The following DNAAF11 variants were observed in gnomAD, a reference collection of about 807,000 sequenced individuals.
DNAAF11 encodes the protein leucine rich repeat containing 6.
In DNAAF11, 45 loss-of-function variants were observed where a neutral mutation model predicts 60.8. The observed-to-expected ratio is 0.74, with a 90% confidence interval of 0.58 to 0.95. The LOEUF is 0.95. Among genes scored for constraint, DNAAF11 ranks in the 40% least tolerant of loss-of-function variants. DNAAF11 has a pLI of 0.00. For missense variants in DNAAF11, 546 were observed against 546.2 expected (o/e 1.00, Z 0.00); for synonymous variants, 191 against 183.5 (o/e 1.04, Z -0.33).
At chr8:132,649,502 C>A (rs1433989808) in intron 3 of DNAAF11, among the ~76,000 whole-genome samples, 1 of 152,024 alleles carries the variant, frequency 6.6e-6, no homozygotes, top group Admixed American at 6.6e-5. Flanking sequence ...GCAACAAAAG[C>A]CAAAATTGAC....
intron 4 of DNAAF11, among the ~76,000 whole-genome samples, chr8:132,635,937 G>C (rs1821248978): frequency 6.6e-6 from 1 of 152,126 alleles, no homozygotes; most frequent in Non-Finnish European, 1.5e-5. Flanking sequence ...ATCAGCAGAA[G>C]CTAGGAGGGA....
the DNAAF11 span, among the ~76,000 whole-genome samples, chr8:132,697,728 C>T: frequency 5.3e-5 from 8 of 152,034 alleles, no homozygotes; most frequent in Non-Finnish European, 1.0e-4. Context: ...TGGAATCGTA[C>T]TAGAGAGATT....
At chr8:132,628,720 A>G (rs1390347851) in intron 5 of DNAAF11, among the ~76,000 whole-genome samples, 1 of 152,200 alleles carries the variant, frequency 6.6e-6, no homozygotes, top group Non-Finnish European at 1.5e-5. Flanking sequence ...TTCTGTTCAA[A>G]TAGGCTAAAT....
chr8:132,615,524 CT>C lies in DNAAF11; in HGVS notation c.915-428del, dbSNP rs1383200439. 3.3e-5 allele frequency among the ~76,000 whole-genome samples: 5 copies of C among 152,188 alleles called. No homozygotes were observed. The East Asian group carries it at 7.7e-4, about 23-fold the overall frequency. On this transcript the variant is annotated intron_variant, in intron 7 of 11. Coordinates refer to ENST00000620350, the MANE Select transcript of DNAAF11 (RefSeq NM_012472.6). ...TAAGTTTTAGAGTCCTGTCTTCCTT[CT>C]TTTTTCTTGCTATCTTTTTTCTTCT...
At chr8:132,588,461 A>C (rs1323086517) in intron 10 of DNAAF11, among the ~76,000 whole-genome samples, 1 of 152,238 alleles carries the variant, frequency 6.6e-6, no homozygotes, top group Non-Finnish European at 1.5e-5. Flanking sequence ...AGAAATATTT[A>C]CTGAGCATCT....
At chr8:132,657,174 G>A (rs1317656545) in intron 2 of DNAAF11, among the ~76,000 whole-genome samples, 1 of 152,056 alleles carries the variant, frequency 6.6e-6, no homozygotes, top group African/African-American at 2.4e-5. Flanking sequence ...TAGCCAAGCT[G>A]GGCCAGTGCA....
chr8:132,698,226 C>T, the DNAAF11 span, among the ~76,000 whole-genome samples: 1 of 152,176 alleles, frequency 6.6e-6, no homozygotes, highest in East Asian at 1.9e-4. Flanking sequence ...ACCTATCCCA[C>T]ACTTCGTAAT....
At chr8:132,573,442 C>A (rs541304332) in intron 11 of DNAAF11, among the ~76,000 whole-genome samples, 2 of 152,186 alleles carry the variant, frequency 1.3e-5, no homozygotes, top group Non-Finnish European at 2.9e-5. Flanking sequence ...TAATGACACT[C>A]TCATACACCT....
the DNAAF11 span, among the ~76,000 whole-genome samples, chr8:132,700,136 T>C: frequency 4.1e-4 from 62 of 152,294 alleles, no homozygotes; most frequent in South Asian, 1.0e-3. Flanking sequence ...ATTAAACTTC[T>C]TAAAGGCAAA....
At chr8:132,641,530 G>A (rs1310831814) in intron 3 of DNAAF11, among the ~76,000 whole-genome samples, 1 of 152,126 alleles carries the variant, frequency 6.6e-6, no homozygotes, top group African/African-American at 2.4e-5. Context: ...ATGAAGAGAT[G>A]GGAGGAGGAA....
intron 10 of DNAAF11, among the ~76,000 whole-genome samples, chr8:132,597,339 C>T (rs560022955): frequency 2.6e-5 from 4 of 152,180 alleles, no homozygotes; most frequent in Admixed American, 2.0e-4. Flanking sequence ...CCTTCTCCCT[C>T]ATACCTAGGA....
chr8:132,643,443 G>A, intron 3 of DNAAF11: 1 of 341,204 alleles, frequency 2.9e-6, no homozygotes. Flanking sequence ...GAGGCAGGTA[G>A]GATAAGAAAG....
chr8:132,690,822 TTTCTTGTGA>T, the DNAAF11 span, among the ~76,000 whole-genome samples: 1 of 152,146 alleles, frequency 6.6e-6, no homozygotes, highest in Non-Finnish European at 1.5e-5. Flanking sequence ...GACTGCTGTG[TTTCTTGTGA>T]TTAAACTGGT....
intron 7 of DNAAF11, among the ~76,000 whole-genome samples, chr8:132,617,601 G>A (rs897731025): frequency 3.3e-5 from 5 of 152,128 alleles, no homozygotes; most frequent in African/African-American, 4.8e-5. Context: ...TTTCCTAATT[G>A]AATACCCTTT....
At chr8:132,681,495 G>A in the DNAAF11 span, among the ~76,000 whole-genome samples, 2 of 152,048 alleles carry the variant, frequency 1.3e-5, no homozygotes. Flanking sequence ...AAGACTGGAG[G>A]AGGGCAGCAT....
chr8:132,692,215 C>T, the DNAAF11 span, among the ~76,000 whole-genome samples: 15 of 151,998 alleles, frequency 9.9e-5, no homozygotes, highest in African/African-American at 3.1e-4. Flanking sequence ...GGGTAGAGAG[C>T]CAACAGGGCT....
At chr8:132,699,771 A>G in the DNAAF11 span, among the ~76,000 whole-genome samples, 1 of 152,198 alleles carries the variant, frequency 6.6e-6, no homozygotes, top group Admixed American at 6.5e-5. Flanking sequence ...CATGGAAAGG[A>G]AAGAAGTGCT....
In DNAAF11 at chr8:132,600,856, G is replaced by A. The variant is rs939670608; in HGVS notation, c.1140+9310C>T. On this transcript the variant is annotated intron_variant, in intron 10 of 11. Coordinates refer to ENST00000620350, the MANE Select transcript of DNAAF11 (RefSeq NM_012472.6). ...CCTAGGCAATACCATTCAGGACATA[G>A]GCATGGGCAAGGACTTCATGTCTAA... Among the ~76,000 whole-genome samples, 254 of 152,168 alleles carry A rather than the reference G, an allele frequency of 1.7e-3. 2 individuals carry two copies. The highest frequency in any genetic ancestry group is 1.2e-3 in the Non-Finnish European group (80 of 68,038).
the DNAAF11 span, among the ~76,000 whole-genome samples, chr8:132,699,069 C>T: frequency 1.3e-5 from 2 of 150,474 alleles, no homozygotes; most frequent in Admixed American, 1.3e-4. Context: ...GCAGAAGTTA[C>T]AGTGAGCTGA....
Sources: allele counts gnomAD v4.1 joint callset (sites outside exome capture counted in the v4.1 genomes callset), GRCh38; gene constraint gnomAD v4.1.1; transcripts MANE v1.5; gene names NCBI Gene and HGNC (gene_info 2026-07-23, HGNC 2026-07-21).